Variants in HPSE2 observed in about 807,000 individuals in gnomAD.
HPSE2 encodes the protein inactive heparanase-2.
Under a neutral mutation model 60.5 loss-of-function variants are expected in HPSE2, and 38 were observed. The observed-to-expected ratio is 0.63, with a 90% CI of 0.48 to 0.82. HPSE2 has a LOEUF of 0.82. HPSE2 is among the 40% of genes least tolerant of loss of function. The probability of loss-of-function intolerance (pLI) is 0.00; values close to 1 mark genes in which losing one functional copy is unlikely to be tolerated. For synonymous variants in HPSE2, 295 were observed against 293.2 expected (o/e 1.01, Z -0.06); for missense variants, 713 against 740.4 (o/e 0.96, Z 0.43).
chr10:98,996,077 C>T (rs1297133127), intron 3 of HPSE2, among the ~76,000 whole-genome samples: 1 of 151,446 alleles, frequency 6.6e-6, no homozygotes, highest in East Asian at 1.9e-4. Flanking sequence ...GGATTGGATC[C>T]TAAAACCAAA....
intron 9 of HPSE2, among the ~76,000 whole-genome samples, chr10:98,509,501 T>C (rs992205973): frequency 4.6e-5 from 7 of 152,040 alleles, no homozygotes; most frequent in Non-Finnish European, 8.8e-5. Flanking sequence ...TCATAGCTTT[T>C]TTTTTGCTTT....
intron 3 of HPSE2, among the ~76,000 whole-genome samples, chr10:99,114,841 G>C (rs1309590905): frequency 2.0e-5 from 3 of 149,458 alleles, no homozygotes; most frequent in Non-Finnish European, 4.4e-5. Context: ...GTGAACCCGG[G>C]AGGCAGAGCT....
chr10:99,249,340 C>T, the HPSE2 span, among the ~76,000 whole-genome samples: 1 of 152,218 alleles, frequency 6.6e-6, no homozygotes, highest in Admixed American at 6.5e-5. Flanking sequence ...GAATATGAGA[C>T]ATGGAGTCAA....
chr10:99,164,006 T>A (rs1846954372), intron 2 of HPSE2, among the ~76,000 whole-genome samples: 1 of 151,834 alleles, frequency 6.6e-6, no homozygotes, highest in Non-Finnish European at 1.5e-5. Flanking sequence ...GCCTTTGTAA[T>A]TAATGAATAT....
intron 9 of HPSE2, among the ~76,000 whole-genome samples, chr10:98,605,349 C>T (rs929801312): frequency 6.6e-6 from 1 of 152,178 alleles, no homozygotes; most frequent in African/African-American, 2.4e-5. Flanking sequence ...AGATTGTAAA[C>T]ATGGAGAGAA....
At chr10:98,678,128 G>T (rs1378949271) in intron 6 of HPSE2, among the ~76,000 whole-genome samples, 1 of 152,132 alleles carries the variant, frequency 6.6e-6, no homozygotes, top group Non-Finnish European at 1.5e-5. Flanking sequence ...ACCAAAGAGA[G>T]AAAAAGTGCT....
At chr10:99,244,669 C>T in the HPSE2 span, among the ~76,000 whole-genome samples, 1 of 149,800 alleles carries the variant, frequency 6.7e-6, no homozygotes, top group Non-Finnish European at 1.5e-5. Flanking sequence ...CCTTAGCCTC[C>T]CAAATGCTGT....
intron 9 of HPSE2, among the ~76,000 whole-genome samples, chr10:98,600,494 TA>T (rs2133939702): frequency 6.6e-6 from 1 of 152,278 alleles, no homozygotes; most frequent in Non-Finnish European, 1.5e-5. Flanking sequence ...ATCAAACTTT[TA>T]TTGAGTACCT....
chr10:99,212,625 T>C lies in HPSE2; in HGVS notation c.448+19723A>G, dbSNP rs550267921. On this transcript the variant is annotated intron_variant, in intron 2 of 11. Coordinates refer to ENST00000370552, the MANE Select transcript of HPSE2 (RefSeq NM_021828.5). ...CCCACAGAAGCAGAGAGTAAAATGG[T>C]GGTTATTGTGGGGCAGAGGGTTGGT... 1.1e-4 allele frequency among the ~76,000 whole-genome samples: 16 copies of C among 152,076 alleles called. No individual in the cohort carries two copies. The South Asian group carries it at 3.1e-3, about 30-fold the overall frequency.
At chr10:98,974,863 T>G (rs968180479) in intron 3 of HPSE2, among the ~76,000 whole-genome samples, 1 of 152,200 alleles carries the variant, frequency 6.6e-6, no homozygotes, top group Non-Finnish European at 1.5e-5. Flanking sequence ...AATATTATTT[T>G]GGAAGCAAGG....
chr10:98,827,256 A>T (rs922689857), intron 3 of HPSE2, among the ~76,000 whole-genome samples: 3 of 152,048 alleles, frequency 2.0e-5, no homozygotes, highest in Non-Finnish European at 2.9e-5. Flanking sequence ...CCCAGGCTGG[A>T]GTGCAGTGGC....
chr10:99,130,592 A>G (rs1450970232), intron 3 of HPSE2, among the ~76,000 whole-genome samples: 1 of 152,202 alleles, frequency 6.6e-6, no homozygotes, highest in Non-Finnish European at 1.5e-5. Context: ...CTTGGCCCCA[A>G]GGAAGGGGCT....
At chr10:98,575,036 G>T (rs1944604231) in intron 9 of HPSE2, among the ~76,000 whole-genome samples, 1 of 152,142 alleles carries the variant, frequency 6.6e-6, no homozygotes, top group South Asian at 2.1e-4. Flanking sequence ...GCAGGGAAGA[G>T]GAAAGCTGGA....
In HPSE2 at chr10:98,547,836, C is replaced by T. The variant is rs1003308058; in HGVS notation, c.1321-57640G>A. 3.9e-4 allele frequency among the ~76,000 whole-genome samples: 59 copies of T among 150,432 alleles called. 1 individual carries two copies. The highest frequency in any genetic ancestry group is 9.2e-4 in the African/African-American group (38 of 41,230). Reference sequence around the variant, plus strand: ...TAAAAAAAAGAATAGAACACAAACACACACACACACACACACAAACTCAAG... The same window carrying T: ...TAAAAAAAAGAATAGAACACAAACATACACACACACACACACAAACTCAAG... On this transcript the variant is annotated intron_variant, in intron 9 of 11. Coordinates refer to ENST00000370552, the MANE Select transcript of HPSE2 (RefSeq NM_021828.5).
intron 3 of HPSE2, among the ~76,000 whole-genome samples, chr10:98,840,520 T>C (rs1267036433): frequency 2.0e-5 from 3 of 152,046 alleles, no homozygotes; most frequent in African/African-American, 7.2e-5. Flanking sequence ...ACTAGGGTGA[T>C]GACAGTGGGA....
At chr10:98,884,845 A>G (rs1953123003) in intron 3 of HPSE2, among the ~76,000 whole-genome samples, 1 of 152,182 alleles carries the variant, frequency 6.6e-6, no homozygotes, top group South Asian at 2.1e-4. Flanking sequence ...AGAGATGTAC[A>G]AAGAGACTTG....
chr10:99,254,343 T>C, the HPSE2 span, among the ~76,000 whole-genome samples: 1 of 152,052 alleles, frequency 6.6e-6, no homozygotes, highest in African/African-American at 2.4e-5. Flanking sequence ...GAGATAAACA[T>C]TGGGTACTCA....
chr10:98,936,761 A>G (rs1474668175), intron 3 of HPSE2, among the ~76,000 whole-genome samples: 2 of 142,300 alleles, frequency 1.4e-5, no homozygotes, highest in Non-Finnish European at 3.0e-5. Flanking sequence ...TGGGTGGATT[A>G]TGAGGTCAGA....
intron 3 of HPSE2, among the ~76,000 whole-genome samples, chr10:99,023,596 G>C (rs1333958559): frequency 6.6e-6 from 1 of 152,158 alleles, no homozygotes; most frequent in Non-Finnish European, 1.5e-5. Flanking sequence ...TAGTAATGGT[G>C]GCAACAGAGG....
Sources: gnomAD v4.1 joint callset for allele counts (sites outside exome capture counted in the v4.1 genomes callset) on GRCh38, gnomAD v4.1.1 for gene constraint, MANE v1.5 for transcripts, NCBI Gene and HGNC (gene_info 2026-07-23, HGNC 2026-07-21) for gene names.